CEP128: variants seen among roughly 807,000 people sequenced by gnomAD.
CEP128 encodes the protein centrosomal protein 128kDa.
A neutral mutation model predicts 156.7 loss-of-function variants in CEP128; 132 were observed. That is an observed-to-expected ratio of 0.84 (90% CI 0.73 to 0.97). CEP128 has a LOEUF of 0.97. Among genes scored for constraint, CEP128 ranks in the 50% least tolerant of loss-of-function variants. CEP128 has a pLI of 0.00. For missense variants in CEP128, 1,252 were observed against 1,281.9 expected (o/e 0.98, Z 0.36); for synonymous variants, 469 against 448.9 (o/e 1.04, Z -0.57).
intron 19 of CEP128, among the ~76,000 whole-genome samples, chr14:80,720,304 T>C (rs1897766782): frequency 6.6e-6 from 1 of 152,132 alleles, no homozygotes; most frequent in Non-Finnish European, 1.5e-5. Flanking sequence ...AACTGGGATG[T>C]TTCCCTAAGT....
intron 2 of CEP128, among the ~76,000 whole-genome samples, chr14:80,950,900 G>C (rs1280995681): frequency 1.1e-5 from 1 of 94,376 alleles, no homozygotes; most frequent in African/African-American, 5.3e-5. Context: ...AAAGCATCCC[G>C]AGTAAGAAAA....
chr14:80,766,179 A>T (rs1381470590), intron 16 of CEP128, among the ~76,000 whole-genome samples: 1 of 152,228 alleles, frequency 6.6e-6, no homozygotes, highest in African/African-American at 2.4e-5. Context: ...TCCAATTTTC[A>T]AAAGTGTGCT....
chr14:80,635,145 T>C (rs1028007430), intron 19 of CEP128, among the ~76,000 whole-genome samples: 3 of 152,236 alleles, frequency 2.0e-5, no homozygotes, highest in Admixed American at 6.5e-5. Flanking sequence ...CTCAAGAGCC[T>C]TATAGAAATG....
chr14:80,623,959 T>C (rs1893600907), intron 19 of CEP128, among the ~76,000 whole-genome samples: 1 of 152,224 alleles, frequency 6.6e-6, no homozygotes, highest in African/African-American at 2.4e-5. Flanking sequence ...CTAGCTTTTT[T>C]GAAAATATAC....
chr14:80,937,898 G>A, intron 2 of CEP128, among the ~76,000 whole-genome samples: 1 of 133,538 alleles, frequency 7.5e-6, no homozygotes, highest in Non-Finnish European at 1.6e-5. Flanking sequence ...TTAATCCTAA[G>A]AATTTTTTTT....
At chr14:80,546,909 ATTAGTG>A (rs1211201594) in intron 21 of CEP128, among the ~76,000 whole-genome samples, 1 of 152,236 alleles carries the variant, frequency 6.6e-6, no homozygotes, top group African/African-American at 2.4e-5. Flanking sequence ...GAAATCATAT[ATTAGTG>A]TTAAATAATT....
rs549897553 is a variant in CEP128, at chr14:80,737,441, C to A, written c.2806+5634G>T. On this transcript the variant is annotated intron_variant, in intron 19 of 24. Coordinates refer to ENST00000555265, the MANE Select transcript of CEP128 (RefSeq NM_152446.5). Reference sequence around the variant, plus strand: ...AGAAAAAAAATTATAAAGAAAGCAACAAGAAAATAAAAGAAGGGGTAACTT... The same window carrying A: ...AGAAAAAAAATTATAAAGAAAGCAAAAAGAAAATAAAAGAAGGGGTAACTT... Among the ~76,000 whole-genome samples the A allele has an allele frequency of 5.8e-4, 88 of 151,654 alleles. 2 individuals carry two copies. The Middle Eastern group carries it at 0.024, about 42-fold the overall frequency.
At chr14:80,591,646 C>A (rs986236562) in intron 19 of CEP128, among the ~76,000 whole-genome samples, 3 of 152,094 alleles carry the variant, frequency 2.0e-5, no homozygotes, top group African/African-American at 7.2e-5. Flanking sequence ...CAGCTCTGGA[C>A]CAAGCAGACC....
chr14:80,499,019 C>A (rs1245323218), intron 24 of CEP128, among the ~76,000 whole-genome samples: 2 of 152,158 alleles, frequency 1.3e-5, no homozygotes, highest in African/African-American at 4.8e-5. Flanking sequence ...ATACCTGAAC[C>A]ACTGTCACAT....
At chr14:80,804,443 A>G (rs1186828506) in intron 13 of CEP128, among the ~76,000 whole-genome samples, 1 of 152,222 alleles carries the variant, frequency 6.6e-6, no homozygotes, top group African/African-American at 2.4e-5. Context: ...GTGGTAGACA[A>G]GCCAATGATA....
intron 19 of CEP128, among the ~76,000 whole-genome samples, chr14:80,689,925 T>C (rs1896659890): frequency 6.6e-6 from 1 of 152,082 alleles, no homozygotes; most frequent in South Asian, 2.1e-4. Context: ...ATATAATAAC[T>C]TGAGAAAAGG....
chr14:80,873,278 G>C (rs1354650681), intron 8 of CEP128, among the ~76,000 whole-genome samples: 1 of 152,168 alleles, frequency 6.6e-6, no homozygotes, highest in African/African-American at 2.4e-5. Context: ...TTGATGCATG[G>C]CAATAATTAT....
intron 19 of CEP128, among the ~76,000 whole-genome samples, chr14:80,686,334 G>C (rs779130747): frequency 3.3e-5 from 5 of 150,292 alleles, no homozygotes; most frequent in Non-Finnish European, 7.4e-5. Context: ...GCCAAACTAA[G>C]CTTCATAAGG....
At chr14:80,871,714 TA>T (rs1387376149) in intron 8 of CEP128, among the ~76,000 whole-genome samples, 1 of 152,104 alleles carries the variant, frequency 6.6e-6, no homozygotes, top group African/African-American at 2.4e-5. Context: ...AATCCAATAC[TA>T]AAAAATTCAT....
chr14:80,685,874 A>G lies in CEP128; in HGVS notation c.2806+57201T>C, dbSNP rs375191031. On this transcript the variant is annotated intron_variant, in intron 19 of 24. Coordinates refer to ENST00000555265, the MANE Select transcript of CEP128 (RefSeq NM_152446.5). ...ATTAATAGGGAAGAACCCCTATTCAATAAATGATGCTGGAACAGCTAGCTA... is the reference window on the plus strand; with the variant it reads ...ATTAATAGGGAAGAACCCCTATTCAGTAAATGATGCTGGAACAGCTAGCTA... Among the ~76,000 whole-genome samples the G allele has an allele frequency of 1.7e-4, 26 of 152,270 alleles. 4 individuals are homozygous for G. The highest frequency in any genetic ancestry group is 8.5e-4 in the Admixed American group (13 of 15,286).
chr14:80,796,287 C>T (rs955309585), intron 13 of CEP128, among the ~76,000 whole-genome samples: 1 of 152,120 alleles, frequency 6.6e-6, no homozygotes, highest in African/African-American at 2.4e-5. Flanking sequence ...AGCGAAACTC[C>T]TGTCTCTACT....
intron 12 of CEP128, among the ~76,000 whole-genome samples, chr14:80,833,289 T>C (rs1373866061): frequency 6.6e-6 from 1 of 151,648 alleles, no homozygotes; most frequent in Non-Finnish European, 1.5e-5. Flanking sequence ...ATATAAAATA[T>C]GAAGGCATGT....
chr14:80,668,722 G>A (rs1895725133), intron 19 of CEP128, among the ~76,000 whole-genome samples: 1 of 152,142 alleles, frequency 6.6e-6, no homozygotes, highest in African/African-American at 2.4e-5. Context: ...GAAGATGGGT[G>A]ATATGGTTTG....
intron 13 of CEP128, among the ~76,000 whole-genome samples, chr14:80,825,484 T>TA (rs1447367300): frequency 6.6e-6 from 1 of 152,220 alleles, no homozygotes; most frequent in Non-Finnish European, 1.5e-5. Context: ...TGAAAATAGA[T>TA]ATTTTATTTC....
Sources: allele counts gnomAD v4.1 joint callset (sites outside exome capture counted in the v4.1 genomes callset), GRCh38; gene constraint gnomAD v4.1.1; transcripts MANE v1.5; gene names NCBI Gene and HGNC (gene_info 2026-07-23, HGNC 2026-07-21).